The following TIAM2 variants were observed in gnomAD, a reference collection of about 807,000 sequenced individuals.
The protein encoded by TIAM2 is TIAM Rac1 associated GEF 2.
A neutral mutation model predicts 152.9 loss-of-function variants in TIAM2; 80 were observed. That is an observed-to-expected ratio of 0.52 (90% CI 0.44 to 0.63). The LOEUF is 0.63. TIAM2 is among the 30% of genes least tolerant of loss of function. The probability of loss-of-function intolerance (pLI) is 0.00; values close to 1 mark genes in which losing one functional copy is unlikely to be tolerated. For missense variants in TIAM2, 1,965 were observed against 2,120.1 expected (o/e 0.93, Z 1.44); for synonymous variants, 804 against 838.0 (o/e 0.96, Z 0.70).
Position 155,027,786 on chromosome 6 carries a change from A to G in TIAM2, c.-209+32294A>G. Among the ~76,000 whole-genome samples the G allele has an allele frequency of 2.3e-5, 2 of 87,560 alleles. 1 individual carries two copies. Among genetic ancestry groups the G allele is most frequent in the Non-Finnish European group, 4.2e-5 (2 of 47,882 alleles). The allele number at this position is 87,560 out of a possible 152,430, so 57.4% of individuals were successfully genotyped here. On this transcript the variant is annotated intron_variant, in intron 1 of 26. Transcript: ENST00000682666. Reference sequence around the variant, plus strand: ...CATATATACTATATATAATATATGTACTGTGTTACATATATACTATATATA... The same window carrying G: ...CATATATACTATATATAATATATGTGCTGTGTTACATATATACTATATATA...
At chr6:155,149,493 T>G (rs1227739203) in intron 7 of TIAM2, among the ~76,000 whole-genome samples, 1 of 152,232 alleles carries the variant, frequency 6.6e-6, no homozygotes, top group Non-Finnish European at 1.5e-5. Context: ...AACACAACAA[T>G]TTAGACATAG....
chr6:155,137,542 T>C lies in TIAM2; in HGVS notation c.1560T>C (p.Thr520=), dbSNP rs746925389. Residue 520 remains threonine (T), a synonymous_variant, in exon 5 of 27, where the codon ACT becomes ACC. Transcript: ENST00000682666. ...AGWLFFKPLV[T]VQKERKLELV... ...GGCTCTTCTTCAAGCCCCTGGTCACTGTGCAGAAGGAAAGGAAGCTTGAGC... is the reference window on the plus strand; with the variant it reads ...GGCTCTTCTTCAAGCCCCTGGTCACCGTGCAGAAGGAAAGGAAGCTTGAGC... 6.2e-7 allele frequency: 1 copy of C among 1,613,568 alleles called. No individual in the cohort carries two copies. The highest frequency in any genetic ancestry group is 1.1e-5 in the South Asian group (1 of 91,070).
At chr6:155,231,612 C>T (rs904953118) in intron 15 of TIAM2, among the ~76,000 whole-genome samples, 11 of 151,660 alleles carry the variant, frequency 7.3e-5, no homozygotes, top group African/African-American at 2.7e-4. Context: ...TGCCCTCTAT[C>T]AGCCTGTGGG....
At chr6:155,243,846 C>CAAAAAAAAA (rs59365890) in intron 16 of TIAM2, among the ~76,000 whole-genome samples, 165 bp from the exon 17 acceptor site, 15 of 55,052 alleles carry the variant, frequency 2.7e-4, no homozygotes, top group African/African-American at 1.1e-3. Flanking sequence ...GACTCCGTCT[C>CAAAAAAAAA]AAAAAAAAAA....
At chr6:155,186,000 A>T (rs1167003862) in intron 14 of TIAM2, among the ~76,000 whole-genome samples, 21 of 152,228 alleles carry the variant, frequency 1.4e-4, no homozygotes, top group Admixed American at 1.4e-3. Flanking sequence ...AGGAAGTTAC[A>T]TGCCTTTGGG....
At chr6:155,048,965 T>C (rs1025728931) in intron 1 of TIAM2, among the ~76,000 whole-genome samples, 6 of 152,018 alleles carry the variant, frequency 3.9e-5, no homozygotes, top group African/African-American at 1.2e-4. Flanking sequence ...CATGCACCTA[T>C]AATTTTTGTA....
intron 1 of TIAM2, among the ~76,000 whole-genome samples, chr6:155,034,160 G>T (rs1776878366): frequency 6.6e-6 from 1 of 151,208 alleles, no homozygotes; most frequent in Admixed American, 6.6e-5. Flanking sequence ...TTTTTGCTTT[G>T]CCCCTGCCTT....
intron 4 of TIAM2, among the ~76,000 whole-genome samples, chr6:155,132,720 C>T (rs1365171349): frequency 6.6e-6 from 1 of 152,222 alleles, no homozygotes; most frequent in Non-Finnish European, 1.5e-5. Context: ...TGTTATGGTG[C>T]CCACCTGTGT....
chr6:155,135,176 T>G (rs1403355060), intron 4 of TIAM2, among the ~76,000 whole-genome samples: 1 of 152,212 alleles, frequency 6.6e-6, no homozygotes, highest in Admixed American at 6.5e-5. Context: ...CAAATCATAT[T>G]TCTATTTGTA....
At chr6:155,137,738 G>A in intron 5 of TIAM2, 126 bp downstream of exon 5, 1 of 1,049,100 alleles carries the variant, frequency 9.5e-7, no homozygotes, top group East Asian at 2.6e-5. Flanking sequence ...AGGATCCATG[G>A]GCTGCCTTCA....
intron 3 of TIAM2, among the ~76,000 whole-genome samples, chr6:155,128,376 C>G (rs1005271112): frequency 2.0e-5 from 3 of 152,068 alleles, no homozygotes; most frequent in African/African-American, 7.2e-5. Context: ...AGAGCCCCAA[C>G]AGAGCCTGGT....
At chr6:155,164,138 T>C (rs1227495647) in intron 7 of TIAM2, among the ~76,000 whole-genome samples, 1 of 140,028 alleles carries the variant, frequency 7.1e-6, no homozygotes, top group African/African-American at 2.6e-5. Context: ...TTTGTGTTTT[T>C]TTTTTTTCTT....
At position 154,995,658 on chromosome 6, in the gene TIAM2, C is replaced by T. The variant is rs1778199711; in HGVS notation, c.-209+166C>T. Among the ~76,000 whole-genome samples, 1 of 152,006 alleles carries T rather than the reference C, an allele frequency of 6.6e-6. No homozygotes were observed. ...CTTTCCTGGGAGTCCCGCGGAAGGT[C>T]GCGGCTGCGGGGCGCGGCCTGGCAC... On this transcript the variant is annotated intron_variant, in intron 1 of 26. Coordinates refer to ENST00000682666, the MANE Select transcript of TIAM2 (RefSeq NM_012454.4). This position sits in a 1 kb window ranked among gnomAD's most constrained non-coding sequence, Gnocchi z 5.2.
intron 15 of TIAM2, among the ~76,000 whole-genome samples, chr6:155,237,028 G>A (rs1782797779): frequency 6.6e-6 from 1 of 152,346 alleles, no homozygotes; most frequent in Non-Finnish European, 1.5e-5. Flanking sequence ...AAGGTCTACA[G>A]TCTAAAATCT....
chr6:155,038,434 G>T (rs1462714366), intron 1 of TIAM2, among the ~76,000 whole-genome samples: 2 of 152,170 alleles, frequency 1.3e-5, no homozygotes, highest in African/African-American at 4.8e-5. Context: ...CCCTTAAATG[G>T]TCTTCTCTTG....
Position 155,183,260 on chromosome 6 carries a change from A to C in TIAM2, c.2824A>C (p.Met942Leu). The C allele has an allele frequency of 6.2e-7, 1 of 1,614,172 alleles. No homozygotes were observed. Among genetic ancestry groups the C allele is most frequent in the African/African-American group, 1.3e-5 (1 of 75,046 alleles). ...AGGGCTGAGAAAGGGCAATGAGATC[A>C]TGACCTTAAATGGGGAAGCTGTGTC... is the stretch of plus-strand genomic sequence containing the variant. ...GEGLRKGNEI[M>L]TLNGEAVSDL... The change falls in exon 14 of 27, where the codon ATG (methionine) becomes CTG (leucine). Residue 942 changes from methionine to leucine, a missense_variant. By Grantham distance (15) the Met-to-Leu change is conservative. Transcript: ENST00000682666.
chr6:155,035,534 G>A (rs1465715004), intron 1 of TIAM2, among the ~76,000 whole-genome samples: 1 of 152,112 alleles, frequency 6.6e-6, no homozygotes, highest in Admixed American at 6.5e-5. Context: ...GTTAGTTCAC[G>A]AGACTCAGAC....
chr6:155,223,583 C>G (rs1283170910), intron 15 of TIAM2, among the ~76,000 whole-genome samples: 1 of 140,264 alleles, frequency 7.1e-6, no homozygotes, highest in South Asian at 2.3e-4. Context: ...GGTTGTTAAA[C>G]ACCAATCGCA....
chr6:155,094,507 T>C (rs1351292286), intron 2 of TIAM2, among the ~76,000 whole-genome samples: 8 of 151,912 alleles, frequency 5.3e-5, no homozygotes, highest in Admixed American at 4.6e-4. Flanking sequence ...TTTCTGTGTC[T>C]TTAGACTGCA....
Sources: allele counts gnomAD v4.1 joint callset (sites outside exome capture counted in the v4.1 genomes callset), GRCh38; gene constraint gnomAD v4.1.1; non-coding constraint Gnocchi (gnomAD v3.1); transcripts MANE v1.5; gene names NCBI Gene and HGNC (gene_info 2026-07-23, HGNC 2026-07-21).